MSN: variants seen among roughly 807,000 people sequenced by gnomAD.
MSN encodes epididymis luminal protein 70.
A neutral mutation model predicts 48.0 loss-of-function variants in MSN; 2 were observed. The ratio of observed to expected loss-of-function variants is 0.04; its 90% CI spans 0.02 to 0.13. The LOEUF is 0.13. Among genes scored for constraint, MSN ranks in the 10% least tolerant of loss-of-function variants. MSN has a pLI of 1.00. For missense variants in MSN, 267 were observed against 470.1 expected (o/e 0.57, Z 3.99); for synonymous variants, 146 against 166.9 (o/e 0.87, Z 0.97).
intron 1 of MSN, chrX:65,600,559 C>G (rs925648717): frequency 8.9e-6 from 1 of 112,132 alleles, no homozygotes; most frequent in African/African-American, 3.2e-5. Flanking sequence ...TGTGGCATAG[C>G]TACAGCTTGA....
At chrX:65,620,699 G>A (rs981331705) in intron 1 of MSN, among the ~76,000 whole-genome samples, 1 of 111,755 alleles carries the variant, frequency 8.9e-6, no homozygotes, top group African/African-American at 3.2e-5. Flanking sequence ...GCTGTAGACC[G>A]GAGCTGCTCC....
intron 1 of MSN, among the ~76,000 whole-genome samples, chrX:65,670,952 A>G (rs1370706964): frequency 2.9e-4 from 16 of 54,476 alleles, no homozygotes; most frequent in Non-Finnish European, 5.0e-4. Context: ...ATATATATAT[A>G]TATTTAAAAA....
At chrX:65,635,078 T>C (rs1011020021) in intron 1 of MSN, among the ~76,000 whole-genome samples, 8 of 112,292 alleles carry the variant, frequency 7.1e-5, no homozygotes, top group African/African-American at 2.3e-4. Context: ...TCTGACTCTG[T>C]ATACTTTTTC....
At chrX:65,725,499 C>T (rs985524179) in intron 2 of MSN, among the ~76,000 whole-genome samples, 1 of 110,898 alleles carries the variant, frequency 9.0e-6, no homozygotes, top group Non-Finnish European at 1.9e-5. Flanking sequence ...TATTCTTCTG[C>T]AACCCTGTGG....
intron 1 of MSN, among the ~76,000 whole-genome samples, chrX:65,627,111 A>C (rs183450465): frequency 9.0e-6 from 1 of 110,820 alleles, no homozygotes; most frequent in Admixed American, 9.7e-5. Context: ...AGTTTTGACA[A>C]AGTTGGTTCT....
intron 1 of MSN, among the ~76,000 whole-genome samples, chrX:65,618,186 G>T (rs2070395028): frequency 2.7e-5 from 3 of 111,942 alleles, no homozygotes; most frequent in Admixed American, 9.5e-5. Flanking sequence ...ATATGCTGTT[G>T]ATTTGGGGTG....
intron 1 of MSN, among the ~76,000 whole-genome samples, chrX:65,647,268 A>G (rs1444977944): frequency 9.6e-6 from 1 of 104,665 alleles, no homozygotes; most frequent in Non-Finnish European, 2.0e-5. Flanking sequence ...TTGGAGTGCA[A>G]TGGCGTGATC....
rs11556590 is a variant in MSN at position 65,740,690 on chromosome X, T to G, written c.*797T>G. On this transcript the variant is annotated 3_prime_UTR_variant, in exon 13 of 13. Coordinates refer to ENST00000360270, the MANE Select transcript of MSN (RefSeq NM_002444.3). ...CTAAAGTGAGCTCTATGGGCAGATC[T>G]ACCCCTTACTTATTATTCCAGATCT... 9 of 172,043 alleles carry G rather than the reference T, an allele frequency of 5.2e-5. No homozygotes were observed. The allele number at this position is 172,043 out of a possible 1,213,427, so 14.2% of individuals were successfully genotyped here.
At chrX:65,709,466 A>G (rs1245403819) in intron 1 of MSN, among the ~76,000 whole-genome samples, 1 of 112,293 alleles carries the variant, frequency 8.9e-6, no homozygotes, top group Non-Finnish European at 1.9e-5. Context: ...AGAGATTCAG[A>G]AAAAACAGGT....
intron 1 of MSN, among the ~76,000 whole-genome samples, chrX:65,685,492 A>G (rs924139466): frequency 2.7e-5 from 3 of 112,164 alleles, no homozygotes; most frequent in South Asian, 3.7e-4. Flanking sequence ...TGCTTTTCCA[A>G]TGTTCTCCAC....
intron 1 of MSN, among the ~76,000 whole-genome samples, chrX:65,639,671 C>A (rs2148369102): frequency 9.0e-6 from 1 of 111,563 alleles, no homozygotes; most frequent in South Asian, 3.8e-4. Flanking sequence ...AGAGTGAAGT[C>A]CCCCTTTGCC....
At chrX:65,734,882 G>C (rs1421656303) in intron 7 of MSN, among the ~76,000 whole-genome samples, 1 of 111,928 alleles carries the variant, frequency 8.9e-6, no homozygotes, top group Non-Finnish European at 1.9e-5. Context: ...GGGTCATTTG[G>C]CTTCCAAAAG....
chrX:65,640,389 A>G (rs1343896996), intron 1 of MSN, among the ~76,000 whole-genome samples: 3 of 111,428 alleles, frequency 2.7e-5, no homozygotes, highest in African/African-American at 9.8e-5. Context: ...AAATAAATAA[A>G]AAAAAATTAG....
At chrX:65,653,746 CAT>C (rs2070759265) in intron 1 of MSN, among the ~76,000 whole-genome samples, 1 of 110,564 alleles carries the variant, frequency 9.0e-6, no homozygotes, top group Non-Finnish European at 1.9e-5. Flanking sequence ...ACCACATACA[CAT>C]AGCTATGACC....
chrX:65,590,440 T>C (rs1038112061), intron 1 of MSN, among the ~76,000 whole-genome samples: 2 of 110,985 alleles, frequency 1.8e-5, no homozygotes, highest in African/African-American at 6.6e-5. Flanking sequence ...AACCTCAGTC[T>C]TCCTTAGGGG....
intron 1 of MSN, among the ~76,000 whole-genome samples, chrX:65,674,403 G>A (rs770104792): frequency 9.0e-6 from 1 of 111,664 alleles, no homozygotes; most frequent in Non-Finnish European, 1.9e-5. Flanking sequence ...CACCCAGAGA[G>A]CACAGACTTC....
intron 1 of MSN, among the ~76,000 whole-genome samples, chrX:65,679,889 A>C (rs2071037408): frequency 8.9e-6 from 1 of 112,581 alleles, no homozygotes; most frequent in South Asian, 3.6e-4. Context: ...GGGCAGTTTA[A>C]CCAGAGAAGC....
intron 1 of MSN, among the ~76,000 whole-genome samples, chrX:65,620,316 G>A (rs902923742): frequency 3.3e-4 from 37 of 112,609 alleles, no homozygotes; most frequent in Middle Eastern, 4.6e-3. Flanking sequence ...CCTCGCTGCC[G>A]CCCCGCAGCT....
chrX:65,714,621 A>G (rs1456327253), intron 1 of MSN, among the ~76,000 whole-genome samples: 1 of 112,001 alleles, frequency 8.9e-6, no homozygotes, highest in African/African-American at 3.2e-5. Context: ...TTCTTTTGAA[A>G]AGTGTCTCTT....
Sources: gnomAD v4.1 joint callset for allele counts (sites outside exome capture counted in the v4.1 genomes callset) on GRCh38, gnomAD v4.1.1 for gene constraint, MANE v1.5 for transcripts, NCBI Gene and HGNC (gene_info 2026-07-23, HGNC 2026-07-21) for gene names.